WDFY4: variants seen among roughly 807,000 people sequenced by gnomAD.
WDFY4 encodes WDFY family member 4.
WDFY4 carries 169 observed loss-of-function variants against 351.9 expected under a neutral mutation model. The ratio of observed to expected loss-of-function variants is 0.48; its 90% CI spans 0.42 to 0.55. The LOEUF (loss-of-function observed/expected upper bound fraction) is 0.55, where lower values mean the gene tolerates loss of function less well. Ranked by LOEUF, WDFY4 falls within the 20% of genes least tolerant of loss-of-function variation. The pLI is 0.00. For missense variants in WDFY4, 3,803 were observed against 3,935.6 expected (o/e 0.97, Z 0.90); for synonymous variants, 1,622 against 1,574.6 (o/e 1.03, Z -0.71).
At chr10:48,871,496 G>A (rs555241012) in intron 40 of WDFY4, among the ~76,000 whole-genome samples, 2 of 149,386 alleles carry the variant, frequency 1.3e-5, no homozygotes, top group South Asian at 2.2e-4. Flanking sequence ...TCTGAGACAA[G>A]GAGGGTCTTA....
chr10:48,805,374 C>T lies in WDFY4; in HGVS notation c.4599C>T (p.Ile1533=), dbSNP rs1462995007. 1.3e-6 allele frequency: 2 copies of T among 1,549,558 alleles called. No individual in the cohort carries two copies. The highest frequency in any genetic ancestry group is 2.0e-5 in the Admixed American group (1 of 50,986). ...IPSKISTIIG[I]LACQLRGHFS... ...CCAAGATCTCCACCATCATTGGCATCCTGGCCTGTCAGCTGAGGGGCCACT... is the reference window on the plus strand; with the variant it reads ...CCAAGATCTCCACCATCATTGGCATTCTGGCCTGTCAGCTGAGGGGCCACT... The change falls in exon 26 of 62, where the codon ATC becomes ATT. Residue 1533 remains isoleucine, a synonymous_variant. Coordinates refer to ENST00000325239, the MANE Select transcript of WDFY4 (RefSeq NM_001394531.1).
At chr10:48,907,034 C>G (rs1455899702) in intron 47 of WDFY4, among the ~76,000 whole-genome samples, 1 of 151,958 alleles carries the variant, frequency 6.6e-6, no homozygotes. Context: ...GGTGGCAATT[C>G]CTTTTTAATA....
chr10:48,873,445 C>A (rs748236980), intron 40 of WDFY4, 46 bp from the exon 41 acceptor site: 7 of 1,492,376 alleles, frequency 4.7e-6, no homozygotes, highest in Non-Finnish European at 6.2e-6. Context: ...GCCCATAAGG[C>A]CCATAAGGCA....
intron 42 of WDFY4, among the ~76,000 whole-genome samples, chr10:48,875,438 A>G (rs559787846): frequency 7.9e-5 from 12 of 152,224 alleles, no homozygotes; most frequent in Non-Finnish European, 1.5e-4. Flanking sequence ...TTTTTGAGAC[A>G]GGGTCTTGTG....
chr10:48,836,628 G>GT (rs1332774612), intron 39 of WDFY4, among the ~76,000 whole-genome samples: 2 of 152,080 alleles, frequency 1.3e-5, no homozygotes, highest in Non-Finnish European at 1.5e-5. Context: ...TTTATTCCTG[G>GT]TGGGTGAGCT....
chr10:48,960,550 C>G (rs146045075), intron 53 of WDFY4, among the ~76,000 whole-genome samples: 22 of 152,234 alleles, frequency 1.4e-4, no homozygotes, highest in African/African-American at 4.8e-4. Context: ...GCCATATTAC[C>G]CAGCATTTTC....
At chr10:48,902,892 C>A (rs1837429821) in intron 47 of WDFY4, among the ~76,000 whole-genome samples, 1 of 152,008 alleles carries the variant, frequency 6.6e-6, no homozygotes, top group Admixed American at 6.6e-5. Context: ...GGCAGACCAC[C>A]TGAGGTCAGG....
At chr10:48,903,894 G>A (rs146013057) in intron 47 of WDFY4, among the ~76,000 whole-genome samples, 8 of 152,334 alleles carry the variant, frequency 5.3e-5, no homozygotes, top group African/African-American at 1.9e-4. Flanking sequence ...TGTGCCCTGG[G>A]CACACCAAAC....
At chr10:48,731,650 A>C in intron 9 of WDFY4, 88 bp downstream of exon 9, 2 of 1,403,930 alleles carry the variant, frequency 1.4e-6, no homozygotes, top group Admixed American at 2.3e-5. Flanking sequence ...CATCAAATGC[A>C]ACAGAAAGTG....
In WDFY4 at chr10:48,727,570, C is replaced by T. The variant is rs1047860773; in HGVS notation, c.882C>T (p.Phe294=). The change falls in exon 7 of 62, where the codon TTC becomes TTT. Residue 294 remains phenylalanine (F), a synonymous_variant. Transcript: ENST00000325239. ...VSEAVSLILG[F]VKDSYPVSSA... ...AGGCTGTAAGCCTGATCTTGGGATT[C>T]GTGAAGGACTCCTACCCCGTCTCCT... 4.5e-6 allele frequency: 7 copies of T among 1,551,800 alleles called. No individual in the cohort carries two copies. The highest frequency in any genetic ancestry group is 1.4e-5 in the African/African-American group (1 of 73,028).
At chr10:48,712,386 C>G (rs576783335) in intron 2 of WDFY4, among the ~76,000 whole-genome samples, 2 of 152,346 alleles carry the variant, frequency 1.3e-5, no homozygotes, top group East Asian at 3.9e-4. Flanking sequence ...TTTGAGATTC[C>G]TGTCGCCAGG....
intron 19 of WDFY4, among the ~76,000 whole-genome samples, chr10:48,784,944 G>T (rs912877623): frequency 7.0e-6 from 1 of 142,270 alleles, no homozygotes; most frequent in Non-Finnish European, 1.5e-5. Flanking sequence ...TATAAGCTCC[G>T]CCTCCTGGGT....
chr10:48,790,682 T>C, intron 22 of WDFY4, 45 bp from the exon 23 acceptor site: 1 of 1,535,174 alleles, frequency 6.5e-7, no homozygotes, highest in Non-Finnish European at 8.8e-7. Flanking sequence ...CCCATTGCAA[T>C]GAAGCTGTGA....
At chr10:48,840,171 T>A (rs2068546808) in intron 39 of WDFY4, among the ~76,000 whole-genome samples, 3 of 152,216 alleles carry the variant, frequency 2.0e-5, no homozygotes, top group Non-Finnish European at 4.4e-5. Flanking sequence ...CAACTGAAAG[T>A]AAAGTCTATG....
chr10:48,974,519 A>AAAAAAAAAAAAAAAAAAAAAAC (rs1352344126), intron 57 of WDFY4, among the ~76,000 whole-genome samples: 5 of 49,922 alleles, frequency 1.0e-4, no homozygotes, highest in Admixed American at 3.5e-4. Flanking sequence ...AAAAAAAAAA[A>AAAAAAAAAAAAAAAAAAAAAAC]AAAAAAAAAA....
intron 47 of WDFY4, among the ~76,000 whole-genome samples, chr10:48,903,495 AGATAATATGATGTGATC>A (rs1277824765): frequency 6.6e-6 from 1 of 152,256 alleles, no homozygotes; most frequent in Non-Finnish European, 1.5e-5. Context: ...ATGAAAGCAA[AGATAATATGATGTGATC>A]AGATTATGGA....
intron 47 of WDFY4, among the ~76,000 whole-genome samples, chr10:48,934,245 C>A (rs191298127): frequency 1.3e-5 from 2 of 152,186 alleles, no homozygotes; most frequent in African/African-American, 4.8e-5. Flanking sequence ...ATTATGTGCC[C>A]GACCCTTTGC....
At chr10:48,954,612 C>T (rs551592406) in intron 51 of WDFY4, among the ~76,000 whole-genome samples, 2 of 152,296 alleles carry the variant, frequency 1.3e-5, no homozygotes, top group African/African-American at 2.4e-5. Context: ...TCCTTCCTTT[C>T]GGAGAATTCA....
At chr10:48,805,580 G>C (rs1278380307) in intron 26 of WDFY4, among the ~76,000 whole-genome samples, 159 bp downstream of exon 26, 1 of 152,216 alleles carries the variant, frequency 6.6e-6, no homozygotes, top group Non-Finnish European at 1.5e-5. Context: ...AGGATGGTTT[G>C]CTGAAGTCAG....
Sources: allele counts gnomAD v4.1 joint callset (sites outside exome capture counted in the v4.1 genomes callset), GRCh38; gene constraint gnomAD v4.1.1; transcripts MANE v1.5; gene names NCBI Gene and HGNC (gene_info 2026-07-23, HGNC 2026-07-21).